PRKCH: variants seen among roughly 807,000 people sequenced by gnomAD.
PRKCH encodes the protein protein kinase C eta type.
PRKCH carries 28 observed loss-of-function variants against 82.5 expected under a neutral mutation model. That is an observed-to-expected ratio of 0.34 (90% CI 0.25 to 0.47). The LOEUF (loss-of-function observed/expected upper bound fraction) is 0.47, where lower values mean the gene tolerates loss of function less well. Among genes scored for constraint, PRKCH ranks in the 20% least tolerant of loss-of-function variants. The pLI is 1.00. For synonymous variants in PRKCH, 322 were observed against 327.4 expected (o/e 0.98, Z 0.18); for missense variants, 705 against 881.8 (o/e 0.80, Z 2.54).
chr14:61,253,864 T>A (rs1207120031), intron 1 of PRKCH, among the ~76,000 whole-genome samples: 5 of 152,072 alleles, frequency 3.3e-5, no homozygotes, highest in African/African-American at 1.2e-4. Context: ...CTTAGCATAG[T>A]GGTGGCTGGC....
At chr14:61,436,347 G>A (rs1399846401) in intron 2 of PRKCH, among the ~76,000 whole-genome samples, 1 of 152,208 alleles carries the variant, frequency 6.6e-6, no homozygotes, top group Non-Finnish European at 1.5e-5. Context: ...GGGAACCAAA[G>A]CCCTGAGAAA....
chr14:61,489,899 A>G (rs1886384901), intron 10 of PRKCH, among the ~76,000 whole-genome samples: 1 of 152,030 alleles, frequency 6.6e-6, no homozygotes, highest in South Asian at 2.1e-4. Flanking sequence ...TCAACCCCAA[A>G]CTCCTGAAGC....
chr14:61,272,872 G>A (rs1036777930), intron 1 of PRKCH, among the ~76,000 whole-genome samples: 3 of 152,040 alleles, frequency 2.0e-5, no homozygotes, highest in Admixed American at 1.3e-4. Context: ...TACTCAGGGC[G>A]GGACTCTCTT....
At chr14:61,492,306 T>G (rs1036921761) in intron 10 of PRKCH, 1 of 152,268 alleles carries the variant, frequency 6.6e-6, no homozygotes, top group African/African-American at 2.4e-5. Flanking sequence ...GAGCCATCTA[T>G]TCACAGTGAG....
intron 1 of PRKCH, 134 bp downstream of exon 1, chr14:61,322,598 C>A: frequency 7.4e-7 from 1 of 1,342,438 alleles, no homozygotes; most frequent in Non-Finnish European, 9.9e-7. Context: ...GGTCTTCGTC[C>A]ACGTGGCCGC....
intron 1 of PRKCH, chr14:61,326,970 TG>T (rs751927993): frequency 3.8e-5 from 16 of 422,858 alleles, no homozygotes; most frequent in Non-Finnish European, 7.7e-5. Flanking sequence ...ACCTTCTAAA[TG>T]GGGACCAGCA....
intron 2 of PRKCH, among the ~76,000 whole-genome samples, chr14:61,416,918 G>C (rs1307009456): frequency 6.6e-6 from 1 of 152,184 alleles, no homozygotes; most frequent in Non-Finnish European, 1.5e-5. Flanking sequence ...CCTTATGGGA[G>C]GAGGCTCTCA....
intron 1 of PRKCH, among the ~76,000 whole-genome samples, chr14:61,261,901 A>G (rs1013218780): frequency 6.6e-6 from 1 of 152,186 alleles, no homozygotes. Flanking sequence ...ATCAAAAGAT[A>G]TATCCACAGA....
intron 1 of PRKCH, among the ~76,000 whole-genome samples, chr14:61,335,077 G>A (rs1170703173): frequency 6.6e-6 from 1 of 151,968 alleles, no homozygotes; most frequent in African/African-American, 2.4e-5. Flanking sequence ...CAAAGCTTTG[G>A]TTGCTTTTAA....
At chr14:61,503,634 A>G (rs1331723907) in intron 10 of PRKCH, among the ~76,000 whole-genome samples, 1 of 152,158 alleles carries the variant, frequency 6.6e-6, no homozygotes, top group Admixed American at 6.5e-5. Context: ...CTTTGGCAGG[A>G]GGAATGGGAA....
rs78255960 is a variant in PRKCH at position 61,234,480 on chromosome 14, A to G, written c.-19+46812A>G. Among the ~76,000 whole-genome samples, 896 of 152,290 alleles carry G rather than the reference A, an allele frequency of 5.9e-3. 13 individuals are homozygous for G. Among genetic ancestry groups the G allele is most frequent in the African/African-American group, 0.02 (851 of 41,556 alleles). On this transcript the variant is annotated intron_variant, in intron 1 of 3. Coordinates refer to the PRKCH transcript ENST00000555185. Reference sequence around the variant, plus strand: ...AAGCAGGGGAAACTCTAGGGGGGACAATCCTTTAGTCTTACTCATGTTGAG... The same window carrying G: ...AAGCAGGGGAAACTCTAGGGGGGACGATCCTTTAGTCTTACTCATGTTGAG...
chr14:61,484,529 G>A (rs528055982), intron 9 of PRKCH, among the ~76,000 whole-genome samples: 3 of 152,084 alleles, frequency 2.0e-5, no homozygotes, highest in East Asian at 3.9e-4. Flanking sequence ...AGACCTACAC[G>A]TTTCTTTCAT....
intron 1 of PRKCH, among the ~76,000 whole-genome samples, chr14:61,206,439 G>C (rs1056762828): frequency 1.7e-4 from 26 of 152,274 alleles, no homozygotes; most frequent in African/African-American, 6.3e-4. Context: ...TGGATTTGGG[G>C]CCTGCCCAAA....
At chr14:61,533,266 A>G (rs1430671961) in intron 12 of PRKCH, among the ~76,000 whole-genome samples, 1 of 151,944 alleles carries the variant, frequency 6.6e-6, no homozygotes, top group Admixed American at 6.6e-5. Flanking sequence ...TTTCTTAAAA[A>G]CACTTAAATG....
intron 11 of PRKCH, among the ~76,000 whole-genome samples, chr14:61,529,922 ATAT>A (rs2043024042): frequency 6.6e-6 from 1 of 151,954 alleles, no homozygotes; most frequent in East Asian, 1.9e-4. Flanking sequence ...AAATATATAT[ATAT>A]ATGTAAACTT....
At position 61,453,244 on chromosome 14, in the gene PRKCH, A is replaced by G; in HGVS notation, c.851A>G (p.His284Arg). 1.2e-6 allele frequency: 2 copies of G among 1,614,198 alleles called. No individual in the cohort carries two copies. Among genetic ancestry groups the G allele is most frequent in the Non-Finnish European group, 1.7e-6 (2 of 1,180,018 alleles). The change falls in exon 7 of 14, where the codon CAT becomes CGT. Residue 284 changes from histidine to arginine, a missense_variant. By Grantham distance (29) the His-to-Arg change is conservative. Coordinates refer to ENST00000332981, the MANE Select transcript of PRKCH (RefSeq NM_006255.5). ...LQCKICKMNV[H>R]IRCQANVAPN... is the part of the protein sequence containing the mutation. ...CCTCTAGTATGTAAAATGAATGTGCATATTCGATGTCAAGCGAACGTGGCC... is the reference window on the plus strand; with the variant it reads ...CCTCTAGTATGTAAAATGAATGTGCGTATTCGATGTCAAGCGAACGTGGCC...
chr14:61,498,231 C>T (rs1886751578), intron 10 of PRKCH, among the ~76,000 whole-genome samples: 1 of 152,122 alleles, frequency 6.6e-6, no homozygotes, highest in African/African-American at 2.4e-5. Context: ...CCAGGCTAGT[C>T]TCAAATTCCT....
chr14:61,531,311 C>T (rs576473156), intron 12 of PRKCH, among the ~76,000 whole-genome samples: 4 of 152,108 alleles, frequency 2.6e-5, no homozygotes, highest in Admixed American at 6.5e-5. Context: ...GTATTTTCAC[C>T]TACTATATGC....
chr14:61,527,300 G>A (rs2042979474), intron 10 of PRKCH, among the ~76,000 whole-genome samples: 1 of 152,058 alleles, frequency 6.6e-6, no homozygotes, highest in South Asian at 2.1e-4. Flanking sequence ...TGCACCTGGG[G>A]TACCCACAAA....
Sources: allele counts gnomAD v4.1 joint callset (sites outside exome capture counted in the v4.1 genomes callset), GRCh38; gene constraint gnomAD v4.1.1; transcripts MANE v1.5; gene names NCBI Gene and HGNC (gene_info 2026-07-23, HGNC 2026-07-21).